Variants in ADGRL2 observed in about 807,000 individuals in gnomAD.
ADGRL2 encodes calcium-independent alpha-latrotoxin receptor 2.
ADGRL2 carries 44 observed loss-of-function variants against 157.4 expected under a neutral mutation model. That is an observed-to-expected ratio of 0.28 (90% CI 0.22 to 0.36). The LOEUF is 0.36. Among genes scored for constraint, ADGRL2 ranks in the 10% least tolerant of loss-of-function variants. The pLI, the probability that ADGRL2 is intolerant of heterozygous loss-of-function variation, is 1.00. For missense variants in ADGRL2, 1,510 were observed against 1,768.9 expected, an observed-to-expected ratio of 0.85 and a Z score of 2.63; for synonymous variants, 585 against 624.7, an observed-to-expected ratio of 0.94 and a Z score of 0.95.
At chr1:81,607,691 T>C (rs1398774825) in intron 3 of ADGRL2, among the ~76,000 whole-genome samples, 1 of 152,240 alleles carries the variant, frequency 6.6e-6, no homozygotes, top group Non-Finnish European at 1.5e-5. Flanking sequence ...TGTAACTATA[T>C]GCATTTTGGA....
At chr1:81,965,840 A>G (rs1213711024) in intron 11 of ADGRL2, among the ~76,000 whole-genome samples, 1 of 152,222 alleles carries the variant, frequency 6.6e-6, no homozygotes, top group Non-Finnish European at 1.5e-5. Flanking sequence ...AGGTGTTAGA[A>G]TGACAATACA....
At chr1:81,529,702 A>G (rs1311286276) in intron 2 of ADGRL2, among the ~76,000 whole-genome samples, 2 of 152,326 alleles carry the variant, frequency 1.3e-5, no homozygotes, top group African/African-American at 2.4e-5. Context: ...TGACTGTACT[A>G]TAATTTCTCC....
chr1:81,476,956 C>CCCTAAA (rs1176240707), intron 2 of ADGRL2, among the ~76,000 whole-genome samples: 1 of 152,146 alleles, frequency 6.6e-6, no homozygotes, highest in African/African-American at 2.4e-5. Flanking sequence ...CTAAATATTA[C>CCCTAAA]TGGTTTTGCA....
intron 1 of ADGRL2, among the ~76,000 whole-genome samples, chr1:81,808,083 A>G (rs2149596438): frequency 6.6e-6 from 1 of 152,122 alleles, no homozygotes; most frequent in African/African-American, 2.4e-5. Flanking sequence ...CTTATAGCAA[A>G]ATACTATTGA....
intron 2 of ADGRL2, among the ~76,000 whole-genome samples, chr1:81,466,878 A>G (rs1282449099): frequency 6.6e-6 from 1 of 152,154 alleles, no homozygotes; most frequent in Admixed American, 6.5e-5. Context: ...GAAATCAATT[A>G]TTGTATATTC....
intron 3 of ADGRL2, among the ~76,000 whole-genome samples, chr1:81,600,319 C>G (rs1346759312): frequency 2.6e-5 from 4 of 152,212 alleles, no homozygotes. Flanking sequence ...CCCATTATTT[C>G]TAGAAGAATC....
At chr1:81,797,871 G>A (rs1484775432), upstream of ADGRL2, among the ~76,000 whole-genome samples, 7 of 152,106 alleles carry the variant, frequency 4.6e-5, no homozygotes, top group African/African-American at 1.7e-4. Flanking sequence ...AACCACATAA[G>A]CTAATGAGTT....
intron 3 of ADGRL2, among the ~76,000 whole-genome samples, chr1:81,686,089 G>A (rs1352312474): frequency 6.6e-6 from 1 of 152,128 alleles, no homozygotes; most frequent in African/African-American, 2.4e-5. Flanking sequence ...ATATTGGTCT[G>A]TAGTTTTCTT....
intron 1 of ADGRL2, among the ~76,000 whole-genome samples, chr1:81,806,865 G>T (rs1399561833): frequency 2.0e-5 from 3 of 152,014 alleles, no homozygotes; most frequent in African/African-American, 7.2e-5. Flanking sequence ...CACATAAGGT[G>T]CTATTTTTAC....
chr1:81,518,797 CA>C (rs202132760), intron 2 of ADGRL2, among the ~76,000 whole-genome samples: 1,316 of 108,008 alleles, frequency 0.012, 7 homozygotes, highest in African/African-American at 0.026. Flanking sequence ...GACCTTGTCT[CA>C]AAAAAAAAAA....
chr1:81,672,807 A>G (rs886481866), intron 3 of ADGRL2, among the ~76,000 whole-genome samples: 1 of 152,250 alleles, frequency 6.6e-6, no homozygotes, highest in Non-Finnish European at 1.5e-5. Context: ...TATACTGAGT[A>G]TTGAACTGAA....
intron 1 of ADGRL2, among the ~76,000 whole-genome samples, chr1:81,824,148 T>C (rs1351023266): frequency 6.6e-6 from 1 of 152,224 alleles, no homozygotes; most frequent in Non-Finnish European, 1.5e-5. Flanking sequence ...TGAATCATTG[T>C]ATTACTTGCA....
chr1:81,600,634 G>A (rs2081316401), intron 3 of ADGRL2, among the ~76,000 whole-genome samples: 1 of 152,182 alleles, frequency 6.6e-6, no homozygotes, highest in Admixed American at 6.5e-5. Context: ...GAATAGATTA[G>A]GAAATGTGTT....
chr1:81,896,334 A>G (rs1393434714), intron 2 of ADGRL2, among the ~76,000 whole-genome samples: 1 of 152,074 alleles, frequency 6.6e-6, no homozygotes, highest in Non-Finnish European at 1.5e-5. Context: ...TGTAAAGAGT[A>G]TTTCCTGTTT....
chr1:81,459,374 T>C (rs182654002), intron 2 of ADGRL2, among the ~76,000 whole-genome samples: 224 of 152,300 alleles, frequency 1.5e-3, no homozygotes, highest in African/African-American at 5.1e-3. Context: ...ACCCTGCATC[T>C]GTGAGTTTTA....
At chr1:81,681,618 T>C (rs553434956) in intron 3 of ADGRL2, among the ~76,000 whole-genome samples, 2 of 152,314 alleles carry the variant, frequency 1.3e-5, no homozygotes, top group African/African-American at 4.8e-5. Context: ...CCAAAAGCAA[T>C]CTGTGTAACT....
intron 1 of ADGRL2, among the ~76,000 whole-genome samples, chr1:81,432,085 T>C (rs1297697581): frequency 6.6e-6 from 1 of 152,216 alleles, no homozygotes; most frequent in Non-Finnish European, 1.5e-5. Context: ...TTTAAAATGT[T>C]TATTGCTGTT....
intron 2 of ADGRL2, among the ~76,000 whole-genome samples, chr1:81,475,668 AT>A (rs1167152769): frequency 6.6e-6 from 1 of 152,156 alleles, no homozygotes; most frequent in Non-Finnish European, 1.5e-5. Flanking sequence ...TAAAAGGATT[AT>A]TTGGGGGGAG....
intron 1 of ADGRL2, among the ~76,000 whole-genome samples, chr1:81,355,851 C>A (rs1663245239): frequency 6.6e-6 from 1 of 152,174 alleles, no homozygotes; most frequent in Non-Finnish European, 1.5e-5. Context: ...GTCTTCGTAA[C>A]CCCTGGATTA....
Sources: gnomAD v4.1 joint callset for allele counts (sites outside exome capture counted in the v4.1 genomes callset) on GRCh38, gnomAD v4.1.1 for gene constraint, MANE v1.5 for transcripts, NCBI Gene and HGNC (gene_info 2026-07-23, HGNC 2026-07-21) for gene names.